Variants in RGL1 observed in about 807,000 individuals in gnomAD.
The protein encoded by RGL1 is ral guanine nucleotide dissociation stimulator-like 1.
A neutral mutation model predicts 95.2 loss-of-function variants in RGL1; 24 were observed. The observed-to-expected ratio is 0.25, with a 90% CI of 0.18 to 0.35. The LOEUF (loss-of-function observed/expected upper bound fraction) is 0.35, where lower values mean the gene tolerates loss of function less well. Among genes scored for constraint, RGL1 ranks in the 10% least tolerant of loss-of-function variants. The probability of loss-of-function intolerance (pLI) is 1.00; values close to 1 mark genes in which losing one functional copy is unlikely to be tolerated. For synonymous variants in RGL1, 329 were observed against 344.9 expected (o/e 0.95, Z 0.51); for missense variants, 715 against 936.3 (o/e 0.76, Z 3.08).
At chr1:183,701,168 T>C (rs1322899596) in intron 1 of RGL1, among the ~76,000 whole-genome samples, 2 of 152,236 alleles carry the variant, frequency 1.3e-5, no homozygotes, top group Non-Finnish European at 2.9e-5. Context: ...ATTGTTGCCC[T>C]TGAGATCACA....
chr1:183,651,363 A>G (rs912619028), intron 1 of RGL1, among the ~76,000 whole-genome samples: 2 of 152,202 alleles, frequency 1.3e-5, no homozygotes, highest in African/African-American at 4.8e-5. Context: ...ACAAGTATGA[A>G]TACTTGTGCT....
At chr1:183,761,609 A>G (rs1658669416) in intron 2 of RGL1, among the ~76,000 whole-genome samples, 1 of 152,210 alleles carries the variant, frequency 6.6e-6, no homozygotes, top group South Asian at 2.1e-4. Flanking sequence ...CAGAATGGTG[A>G]GTATTTGCTT....
intron 2 of RGL1, among the ~76,000 whole-genome samples, chr1:183,779,269 C>T (rs972719299): frequency 2.3e-4 from 34 of 147,080 alleles, no homozygotes; most frequent in African/African-American, 8.3e-4. Context: ...TTCTTATAGT[C>T]TTGCTTTGTC....
chr1:183,750,995 T>C (rs1657962961), intron 2 of RGL1, among the ~76,000 whole-genome samples: 1 of 152,190 alleles, frequency 6.6e-6, no homozygotes, highest in Non-Finnish European at 1.5e-5. Flanking sequence ...GAGGTGTCTG[T>C]CATCCCCTGC....
At chr1:183,725,051 A>G (rs867432232) in intron 1 of RGL1, among the ~76,000 whole-genome samples, 9 of 152,214 alleles carry the variant, frequency 5.9e-5, no homozygotes, top group Middle Eastern at 3.4e-3. Flanking sequence ...GTAAGGGAAG[A>G]GAATAAGAGT....
chr1:183,826,729 C>CTTT (rs1470878783), intron 2 of RGL1, among the ~76,000 whole-genome samples: 1 of 152,170 alleles, frequency 6.6e-6, no homozygotes, highest in East Asian at 1.9e-4. Flanking sequence ...AAAGGTTAAA[C>CTTT]TGTGCTCCGG....
chr1:183,637,419 A>G (rs1649622660), intron 1 of RGL1, among the ~76,000 whole-genome samples: 1 of 152,212 alleles, frequency 6.6e-6, no homozygotes, highest in South Asian at 2.1e-4. Context: ...AATGTGAAAG[A>G]CCGTACAGTT....
chr1:183,761,323 T>A (rs148103901), intron 2 of RGL1, among the ~76,000 whole-genome samples: 73 of 152,360 alleles, frequency 4.8e-4, no homozygotes, highest in African/African-American at 1.7e-3. Flanking sequence ...TATTGTGTTA[T>A]GAAATGCTGT....
chr1:183,888,643 C>T, intron 8 of RGL1, 66 bp downstream of exon 8: 1 of 952,496 alleles, frequency 1.0e-6, no homozygotes, highest in Non-Finnish European at 1.7e-6. Context: ...GATGAGTCCT[C>T]ACCTTCAAAG....
chr1:183,652,321 G>C (rs1650820152), intron 1 of RGL1, among the ~76,000 whole-genome samples: 1 of 152,202 alleles, frequency 6.6e-6, no homozygotes, highest in South Asian at 2.1e-4. Context: ...TCTTTAAGGA[G>C]ATGGAGAGGA....
chr1:183,852,203 C>T (rs373376409), intron 3 of RGL1, among the ~76,000 whole-genome samples: 4 of 152,026 alleles, frequency 2.6e-5, no homozygotes, highest in Non-Finnish European at 5.9e-5. Context: ...TGTGGGTTTT[C>T]TCATATGGAA....
intron 1 of RGL1, among the ~76,000 whole-genome samples, chr1:183,698,557 C>A (rs1469268789): frequency 6.6e-6 from 1 of 152,176 alleles, no homozygotes; most frequent in Non-Finnish European, 1.5e-5. Flanking sequence ...CAGTGCCTTG[C>A]CTTGGAACAC....
At position 183,647,777 on chromosome 1, in the gene RGL1, C is replaced by G. The variant is rs149833216; in HGVS notation, c.-33+11276C>G. 4.2e-5 allele frequency: 68 copies of G among 1,614,082 alleles called. No individual in the cohort carries two copies. The highest frequency in any genetic ancestry group is 5.3e-5 in the African/African-American group (4 of 74,922). On this transcript the variant is annotated intron_variant, in intron 1 of 18. Transcript: ENST00000304685. ...TCTCCACTGACCTTCCAGTGGGAAGCCTTCCAAGGTCCTTGGTTTCCTGGA... is the reference window on the plus strand; with the variant it reads ...TCTCCACTGACCTTCCAGTGGGAAGGCTTCCAAGGTCCTTGGTTTCCTGGA...
chr1:183,889,303 T>G (rs1234732013), intron 8 of RGL1, among the ~76,000 whole-genome samples: 1 of 152,176 alleles, frequency 6.6e-6, no homozygotes, highest in Non-Finnish European at 1.5e-5. Context: ...GATTGTGTCA[T>G]GAGTACAACT....
intron 1 of RGL1, among the ~76,000 whole-genome samples, chr1:183,670,600 C>T (rs941766293): frequency 6.6e-6 from 1 of 152,110 alleles, no homozygotes; most frequent in African/African-American, 2.4e-5. Flanking sequence ...GAGGTTTTTG[C>T]CTGGGAGTTT....
chr1:183,702,446 C>T (rs185432923), intron 1 of RGL1, among the ~76,000 whole-genome samples: 15 of 152,264 alleles, frequency 9.9e-5, no homozygotes, highest in East Asian at 3.9e-4. Flanking sequence ...TTGACCCATG[C>T]GACTGCCATT....
intron 15 of RGL1, 65 bp downstream of exon 15, chr1:183,912,333 G>A: frequency 7.6e-7 from 1 of 1,314,680 alleles, no homozygotes. Flanking sequence ...CCACACCACA[G>A]CAAGGAATGT....
chr1:183,681,832 A>G (rs554047271), intron 1 of RGL1, among the ~76,000 whole-genome samples: 19 of 152,246 alleles, frequency 1.2e-4, no homozygotes, highest in African/African-American at 4.6e-4. Flanking sequence ...GTAGACTATT[A>G]ATTACTGCCT....
intron 1 of RGL1, among the ~76,000 whole-genome samples, chr1:183,642,568 C>T (rs528978781): frequency 4.8e-4 from 73 of 152,110 alleles, no homozygotes; most frequent in African/African-American, 1.1e-3. Context: ...GCTTGAAATG[C>T]GCTGTAAATT....
Sources: gnomAD v4.1 joint callset for allele counts (sites outside exome capture counted in the v4.1 genomes callset) on GRCh38, gnomAD v4.1.1 for gene constraint, MANE v1.5 for transcripts, NCBI Gene and HGNC (gene_info 2026-07-23, HGNC 2026-07-21) for gene names.